Variants in PIP4K2B observed in about 807,000 individuals in gnomAD.
PIP4K2B encodes the protein phosphatidylinositol-5-phosphate 4-kinase type 2 beta, also known as phosphatidylinositol 5-phosphate 4-kinase type-2 beta.
A neutral mutation model predicts 42.0 loss-of-function variants in PIP4K2B; 3 were observed. The observed-to-expected ratio is 0.07, with a 90% CI of 0.03 to 0.18. The LOEUF is 0.18. PIP4K2B is among the 10% of genes least tolerant of loss of function. The pLI, the probability that PIP4K2B is intolerant of heterozygous loss-of-function variation, is 1.00. For synonymous variants in PIP4K2B, 204 were observed against 210.1 expected (o/e 0.97, Z 0.25); for missense variants, 332 against 562.3 (o/e 0.59, Z 4.14).
At chr17:38,792,754 G>GC in intron 1 of PIP4K2B, 1 of 152,298 alleles carries the variant, frequency 6.6e-6, no homozygotes, top group East Asian at 1.9e-4. Context: ...AGCAAGAACT[G>GC]CAACTCCAGA....
chr17:38,777,574 C>G, intron 7 of PIP4K2B, 113 bp downstream of exon 7: 1 of 744,842 alleles, frequency 1.3e-6, no homozygotes. Flanking sequence ...AAATCACCAC[C>G]CTTTTGTCCA....
At chr17:38,787,129 G>A (rs1910070469) in intron 1 of PIP4K2B, among the ~76,000 whole-genome samples, 1 of 152,096 alleles carries the variant, frequency 6.6e-6, no homozygotes, top group Non-Finnish European at 1.5e-5. Context: ...TTCACCTCCT[G>A]GACTCAAGCA....
chr17:38,774,498 G>A (rs939871061), intron 7 of PIP4K2B, among the ~76,000 whole-genome samples: 3 of 152,136 alleles, frequency 2.0e-5, no homozygotes, highest in Non-Finnish European at 4.4e-5. Context: ...GCCGGGCGTG[G>A]TGGCTCACAC....
chr17:38,790,212 C>A (rs1910271547), intron 1 of PIP4K2B, among the ~76,000 whole-genome samples: 1 of 152,168 alleles, frequency 6.6e-6, no homozygotes, highest in African/African-American at 2.4e-5. Flanking sequence ...AGAGTCATGC[C>A]AGTTCCTATT....
At chr17:38,779,180 A>C (rs1386577240) in intron 5 of PIP4K2B, among the ~76,000 whole-genome samples, 1 of 152,240 alleles carries the variant, frequency 6.6e-6, no homozygotes, top group African/African-American at 2.4e-5. Context: ...TGGCACATTT[A>C]GGGCTTAAAT....
intron 1 of PIP4K2B, among the ~76,000 whole-genome samples, chr17:38,788,973 G>A (rs61618675): frequency 6.6e-6 from 1 of 151,656 alleles, no homozygotes. Flanking sequence ...AAACACATTA[G>A]CCAGGCATAG....
Position 38,767,560 on chromosome 17 carries a change from T to C in PIP4K2B, c.*2131A>G, listed in dbSNP as rs563089919. On this transcript the variant is annotated 3_prime_UTR_variant, in exon 10 of 10. Transcript: ENST00000619039. ...ACACACAAACTCAATGTTAAACAAG[T>C]TAGATACCTGGTAGTCGTCTTTAAC... 6.6e-6 allele frequency: 1 copy of C among 152,028 alleles called. No homozygotes were observed. The highest frequency in any genetic ancestry group is 1.5e-5 in the Non-Finnish European group (1 of 67,982). 9.4% of individuals were successfully genotyped at this position (152,028 alleles called of 1,614,324 possible). A position where few individuals can be genotyped will look rare whatever the true frequency, so the allele number is the denominator to read the frequency against.
chr17:38,771,337 C>T, intron 7 of PIP4K2B, 65 bp from the exon 8 acceptor site: 1 of 1,565,162 alleles, frequency 6.4e-7, no homozygotes, highest in Non-Finnish European at 8.8e-7. Context: ...CCAGTGACAT[C>T]CAGAAAGGGG....
chr17:38,778,482 A>C lies in PIP4K2B; in HGVS notation c.655-110T>G, dbSNP rs1396251864. The C allele has an allele frequency of 9.9e-6, 9 of 908,680 alleles. No individual in the cohort carries two copies. The Admixed American group carries it at 1.5e-4, about 15-fold the overall frequency. 56.3% of individuals were successfully genotyped at this position (908,680 alleles called of 1,614,324 possible). A position where few individuals can be genotyped will look rare whatever the true frequency, so the allele number is the denominator to read the frequency against. On this transcript the variant is annotated intron_variant, in intron 5 of 9. Coordinates refer to ENST00000619039, the MANE Select transcript of PIP4K2B (RefSeq NM_003559.5). Reference sequence around the variant, plus strand: ...TCAAGTAGGCTTGTTAGAGTCCTAGAGGGGCCAGGAGGCAGCACCTTGTTC... The same window carrying C: ...TCAAGTAGGCTTGTTAGAGTCCTAGCGGGGCCAGGAGGCAGCACCTTGTTC...
At chr17:38,791,500 C>T (rs1387208362) in intron 1 of PIP4K2B, among the ~76,000 whole-genome samples, 2 of 146,146 alleles carry the variant, frequency 1.4e-5, no homozygotes, top group Non-Finnish European at 1.5e-5. Context: ...ACTTCCGCCT[C>T]CCGGGTTCAA....
intron 7 of PIP4K2B, chr17:38,776,667 T>C: frequency 2.3e-6 from 1 of 430,286 alleles, no homozygotes; most frequent in Non-Finnish European, 4.5e-6. Flanking sequence ...AAAAAACACC[T>C]ATTATTATAT....
At position 38,799,130 on chromosome 17, in the gene PIP4K2B, G is replaced by A; in HGVS notation, c.159+136C>T. ...ACACGGGGCCGAAAGGCGTGCAAGG[G>A]TGGGGTGGGCGTGCAAGTGGCTTGG... On this transcript the variant is annotated intron_variant, in intron 1 of 9. Coordinates refer to ENST00000619039, the MANE Select transcript of PIP4K2B (RefSeq NM_003559.5). This position sits in a 1 kb window ranked among gnomAD's most constrained non-coding sequence, Gnocchi z 4.4. The A allele has an allele frequency of 5.6e-6, 5 of 898,604 alleles. No homozygotes were observed. Among genetic ancestry groups the A allele is most frequent in the Non-Finnish European group, 7.9e-6 (5 of 632,898 alleles). 55.7% of individuals were successfully genotyped at this position (898,604 alleles called of 1,614,324 possible).
chr17:38,784,766 T>C (rs549359813), intron 2 of PIP4K2B, among the ~76,000 whole-genome samples: 1 of 152,342 alleles, frequency 6.6e-6, no homozygotes, highest in Admixed American at 6.5e-5. Context: ...TGCGATTTTC[T>C]ATGTGTGTGC....
chr17:38,796,904 G>A (rs1399343696), intron 1 of PIP4K2B, among the ~76,000 whole-genome samples: 1 of 152,138 alleles, frequency 6.6e-6, no homozygotes, highest in African/African-American at 2.4e-5. Flanking sequence ...GCAGTCCACC[G>A]AGGGCAATGT....
At chr17:38,776,768 A>G in intron 7 of PIP4K2B, 1 of 333,984 alleles carries the variant, frequency 3.0e-6, no homozygotes, top group Non-Finnish European at 5.9e-6. Context: ...ATTAAAAGAG[A>G]AGGAGACGCT....
rs1465029988 is a variant in PIP4K2B at position 38,777,555 on chromosome 17, A to G, written c.807+132T>C. 3 of 676,914 alleles carry G rather than the reference A, an allele frequency of 4.4e-6. No homozygotes were observed. The African/African-American group carries it at 5.4e-5, about 12-fold the overall frequency. The allele number at this position is 676,914 out of a possible 1,614,324, so 41.9% of individuals were successfully genotyped here. ...TTGCTTTAGGTGCCCATAAGTGCCC[A>G]CGCTGCTCAAATCACCACCCTTTTG... On this transcript the variant is annotated intron_variant, in intron 7 of 9. Transcript: ENST00000619039.
chr17:38,785,544 T>C (rs981096617), intron 2 of PIP4K2B, among the ~76,000 whole-genome samples: 13 of 152,076 alleles, frequency 8.5e-5, no homozygotes, highest in African/African-American at 3.1e-4. Context: ...CCGGGCGTGG[T>C]GGTGGGTGCC....
At chr17:38,785,837 G>T (rs1240773615) in intron 2 of PIP4K2B, among the ~76,000 whole-genome samples, 4 of 152,186 alleles carry the variant, frequency 2.6e-5, no homozygotes, top group South Asian at 4.1e-4. Context: ...AGGGGGTAGT[G>T]GTGCAATGCC....
intron 1 of PIP4K2B, among the ~76,000 whole-genome samples, chr17:38,795,428 G>A (rs1378326171): frequency 3.3e-5 from 5 of 151,986 alleles, no homozygotes; most frequent in African/African-American, 4.8e-5. Context: ...GCAACAAAGC[G>A]AGACCCTGTC....
Sources: allele counts gnomAD v4.1 joint callset (sites outside exome capture counted in the v4.1 genomes callset), GRCh38; gene constraint gnomAD v4.1.1; non-coding constraint Gnocchi (gnomAD v3.1); transcripts MANE v1.5; gene names NCBI Gene and HGNC (gene_info 2026-07-23, HGNC 2026-07-21).